Variants in SENP6 observed in about 807,000 individuals in gnomAD.
The protein encoded by SENP6 is SUMO specific peptidase 6, also known as sentrin-specific protease 6.
A neutral mutation model predicts 134.5 loss-of-function variants in SENP6; 41 were observed. The ratio of observed to expected loss-of-function variants is 0.30; its 90% CI spans 0.24 to 0.40. The LOEUF is 0.40. Ranked by LOEUF, SENP6 falls within the 10% of genes least tolerant of loss-of-function variation. The pLI is 1.00. For synonymous variants in SENP6, 395 were observed against 429.8 expected, an observed-to-expected ratio of 0.92 and a Z score of 1.00; for missense variants, 1,248 against 1,312.5, an observed-to-expected ratio of 0.95 and a Z score of 0.76.
At position 75,716,469 on chromosome 6, in the gene SENP6, G is replaced by A. The variant is rs1423194613; in HGVS notation, c.*875G>A. On this transcript the variant is annotated 3_prime_UTR_variant, in exon 24 of 24. Coordinates refer to ENST00000447266, the MANE Select transcript of SENP6 (RefSeq NM_015571.4). ...TAGGAATTTACTATTTTTTTATAAA[G>A]CTTTTGCTATTTTTTCATTGCTCAT... The A allele has an allele frequency of 1.3e-5, 2 of 151,786 alleles. No homozygotes were observed. Among genetic ancestry groups the A allele is most frequent in the South Asian group, 2.1e-4 (1 of 4,828 alleles). The allele number at this position is 151,786 out of a possible 1,614,324, so 9.4% of individuals were successfully genotyped here.
intron 16 of SENP6, among the ~76,000 whole-genome samples, chr6:75,688,810 A>G (rs1463066911): frequency 1.3e-5 from 2 of 152,190 alleles, no homozygotes; most frequent in Non-Finnish European, 2.9e-5. Context: ...GCTCACGCCT[A>G]TAATCCCAGC....
chr6:75,656,029 A>G (rs930927801), intron 7 of SENP6, among the ~76,000 whole-genome samples: 19 of 152,054 alleles, frequency 1.2e-4, no homozygotes, highest in African/African-American at 4.6e-4. Flanking sequence ...AGCCTGGCCA[A>G]CGTGGCGAAA....
At chr6:75,675,811 A>T in intron 12 of SENP6, 49 bp from the exon 13 acceptor site, 1 of 1,479,568 alleles carries the variant, frequency 6.8e-7, no homozygotes, top group Non-Finnish European at 9.2e-7. Flanking sequence ...CCCATTCATG[A>T]TATTACCCTC....
chr6:75,702,610 A>G (rs1370196354), intron 18 of SENP6, 35 bp from the exon 19 acceptor site: 1 of 1,501,372 alleles, frequency 6.7e-7, no homozygotes, highest in East Asian at 2.3e-5. Flanking sequence ...AACTTTTCTA[A>G]TAACATATTT....
chr6:75,608,622 A>G (rs926134450), intron 1 of SENP6, among the ~76,000 whole-genome samples: 5 of 152,214 alleles, frequency 3.3e-5, no homozygotes, highest in Admixed American at 6.5e-5. Flanking sequence ...AAAAGTCAGA[A>G]TGCTGAGGTT....
intron 16 of SENP6, among the ~76,000 whole-genome samples, chr6:75,685,435 T>A (rs756988193): frequency 2.0e-4 from 30 of 152,264 alleles, no homozygotes; most frequent in Non-Finnish European, 3.4e-4. Flanking sequence ...GCTTTTGAAT[T>A]TGTTTGCTCT....
At chr6:75,631,975 G>C (rs1009268905) in intron 3 of SENP6, among the ~76,000 whole-genome samples, 7 of 152,124 alleles carry the variant, frequency 4.6e-5, no homozygotes, top group African/African-American at 1.7e-4. Context: ...TGATTGTGTT[G>C]CCAGGACACA....
At chr6:75,636,100 C>A (rs185409304) in intron 5 of SENP6, among the ~76,000 whole-genome samples, 1 of 151,988 alleles carries the variant, frequency 6.6e-6, no homozygotes, top group Non-Finnish European at 1.5e-5. Context: ...TTGTTTTACT[C>A]TAGGTCTCAA....
At chr6:75,629,575 C>T (rs1768954986) in intron 3 of SENP6, among the ~76,000 whole-genome samples, 1 of 152,202 alleles carries the variant, frequency 6.6e-6, no homozygotes. Flanking sequence ...GCTGGGAGTA[C>T]AGGTGTGAGC....
rs1222462154 is a variant in SENP6, at chr6:75,666,784, C to G, written c.1067C>G (p.Ala356Gly). The stretch of plus-strand genomic sequence containing the variant: ...AGAGAAAGCATATCTCCTCAGCCTG[C>G]TGATTCAGCATGTTCTTCCCCTGCA... ...NRRESISPQPADSACSSPAPS... is the reference protein window; with the variant it reads ...NRRESISPQPGDSACSSPAPS... Residue 356 changes from alanine to glycine, a missense_variant, in exon 10 of 24, where the codon GCT becomes GGT. Coordinates refer to ENST00000447266, the MANE Select transcript of SENP6 (RefSeq NM_015571.4). 6.2e-7 allele frequency: 1 copy of G among 1,612,910 alleles called. No individual in the cohort carries two copies. Among genetic ancestry groups the G allele is most frequent in the South Asian group, 1.1e-5 (1 of 90,996 alleles).
chr6:75,711,337 A>G lies in SENP6; in HGVS notation c.2830A>G (p.Ser944Gly). The G allele has an allele frequency of 6.2e-7, 1 of 1,612,240 alleles. No individual in the cohort carries two copies. The highest frequency in any genetic ancestry group is 1.1e-5 in the South Asian group (1 of 90,858). The change falls in exon 21 of 24, where the codon AGT becomes GGT. Residue 944 changes from serine to glycine, a missense_variant. By Grantham distance (56) the Ser-to-Gly change is moderately conservative. Transcript: ENST00000447266. Reference sequence around the variant, plus strand: ...AGGCTGTCTTTTATAGGATGATAGCAGTGACGATGGATTCCTCGCTGATGA... The same window carrying G: ...AGGCTGTCTTTTATAGGATGATAGCGGTGACGATGGATTCCTCGCTGATGA... ...SEDQDNQDDS[S>G]DDGFLADDNC...
At chr6:75,663,140 G>A in intron 8 of SENP6, 81 bp from the exon 9 acceptor site, 1 of 1,303,864 alleles carries the variant, frequency 7.7e-7, no homozygotes, top group Non-Finnish European at 1.1e-6. Flanking sequence ...TAAAGTTTAT[G>A]AACACCGTGA....
At chr6:75,615,228 T>C (rs890023433) in intron 1 of SENP6, among the ~76,000 whole-genome samples, 1 of 151,954 alleles carries the variant, frequency 6.6e-6, no homozygotes, top group East Asian at 1.9e-4. Context: ...TCGCGCAGGC[T>C]GAAGTGCAGT....
chr6:75,689,148 G>A (rs1361190063), intron 16 of SENP6, among the ~76,000 whole-genome samples: 1 of 152,172 alleles, frequency 6.6e-6, no homozygotes, highest in African/African-American at 2.4e-5. Context: ...GATCACTTGA[G>A]CCCATGACAA....
chr6:75,673,620 A>G (rs542849050), intron 11 of SENP6, among the ~76,000 whole-genome samples: 1 of 151,990 alleles, frequency 6.6e-6, no homozygotes, highest in Non-Finnish European at 1.5e-5. Flanking sequence ...CACTGTGCCC[A>G]GCCCAGTGTC....
At position 75,659,240 on chromosome 6, in the gene SENP6, T is replaced by G; in HGVS notation, c.551-22T>G. 3 of 1,563,260 alleles carry G rather than the reference T, an allele frequency of 1.9e-6. No homozygotes were observed. The South Asian group carries it at 3.6e-5, about 19-fold the overall frequency. ...CTTATTTTAACTAAAACTTAAAGTT[T>G]ATTTTTTTCTCCTTCCTTTAGAACG... On this transcript the variant is annotated intron_variant, in intron 7 of 23. Transcript: ENST00000447266.
chr6:75,668,730 A>G (rs1304831855), intron 10 of SENP6, among the ~76,000 whole-genome samples: 1 of 152,186 alleles, frequency 6.6e-6, no homozygotes. Flanking sequence ...TTGCTATCGC[A>G]AGAGATTGGA....
At position 75,682,634 on chromosome 6, in the gene SENP6, C is replaced by G. The variant is rs140766995; in HGVS notation, c.2075+3707C>G. ...AGTGATCTCATTGTTCAGTTGCCAC[C>G]TATGAGTGAGAACATGCTGTGTTTG... On this transcript the variant is annotated intron_variant, in intron 16 of 23. Transcript: ENST00000447266. 0.01 allele frequency among the ~76,000 whole-genome samples: 1,594 copies of G among 152,170 alleles called. 54 individuals carry two copies. In the East Asian group the frequency reaches 0.13, roughly 13 times the overall value.
intron 7 of SENP6, among the ~76,000 whole-genome samples, chr6:75,654,372 T>C (rs1045174626): frequency 6.6e-6 from 1 of 152,216 alleles, no homozygotes; most frequent in Admixed American, 6.5e-5. Flanking sequence ...CTCATCTTAT[T>C]TGAACAAATA....
Sources: allele counts gnomAD v4.1 joint callset (sites outside exome capture counted in the v4.1 genomes callset), GRCh38; gene constraint gnomAD v4.1.1; transcripts MANE v1.5; gene names NCBI Gene and HGNC (gene_info 2026-07-23, HGNC 2026-07-21).